The following HNF4G variants were observed in gnomAD, a reference collection of about 807,000 sequenced individuals.
HNF4G encodes hepatocyte nuclear factor 4-gamma.
A neutral mutation model predicts 50.9 loss-of-function variants in HNF4G; 21 were observed. That is an observed-to-expected ratio of 0.41 (90% CI 0.29 to 0.59). HNF4G has a LOEUF of 0.59. Ranked by LOEUF, HNF4G falls within the 20% of genes least tolerant of loss-of-function variation. The pLI is 0.26. For missense variants in HNF4G, 527 were observed against 559.4 expected (o/e 0.94, Z 0.58); for synonymous variants, 198 against 185.6 (o/e 1.07, Z -0.54).
chr8:75,435,878 G>A (rs1811124690), intron 1 of HNF4G, among the ~76,000 whole-genome samples: 1 of 152,064 alleles, frequency 6.6e-6, no homozygotes, highest in African/African-American at 2.4e-5. Context: ...ACAGGTGTGA[G>A]CCACCACACC....
chr8:75,537,963 T>A (rs1806513223), upstream of HNF4G, among the ~76,000 whole-genome samples: 1 of 152,174 alleles, frequency 6.6e-6, no homozygotes, highest in Non-Finnish European at 1.5e-5. Flanking sequence ...AAAAGAGGGC[T>A]TCCACTGTAC....
At chr8:75,427,657 T>A (rs114396344) in intron 1 of HNF4G, among the ~76,000 whole-genome samples, 3,967 of 151,960 alleles carry the variant, frequency 0.026, 130 homozygotes, top group African/African-American at 0.069. Flanking sequence ...GAATGCCTTG[T>A]TAAGTATTTG....
chr8:75,480,598 T>C (rs1463852432), intron 1 of HNF4G, among the ~76,000 whole-genome samples: 1 of 152,184 alleles, frequency 6.6e-6, no homozygotes, highest in Non-Finnish European at 1.5e-5. Context: ...AGAAAATATA[T>C]CTGGGATAAT....
At chr8:75,517,738 T>C (rs1805930541) in intron 2 of HNF4G, among the ~76,000 whole-genome samples, 1 of 152,126 alleles carries the variant, frequency 6.6e-6, no homozygotes, top group Non-Finnish European at 1.5e-5. Context: ...CTGCGGCTTT[T>C]CCAGGTGCAC....
At chr8:75,470,464 C>T (rs139614020) in intron 1 of HNF4G, among the ~76,000 whole-genome samples, 1 of 152,096 alleles carries the variant, frequency 6.6e-6, no homozygotes, top group South Asian at 2.1e-4. Flanking sequence ...TCTCTCCCCC[C>T]ACAGATTGTT....
rs143188085 is a variant in HNF4G at position 75,541,001 on chromosome 8, G to A, written c.118+921G>A. ...TTAATAAGCAGTTCCTTATTAGTGG[G>A]GATTTTAAAAAATAGTCAAAAGGTG... is the stretch of plus-strand genomic sequence containing the variant. On this transcript the variant is annotated intron_variant, in intron 1 of 9. Transcript: ENST00000396423. Among the ~76,000 whole-genome samples the A allele has an allele frequency of 6.5e-3, 983 of 151,502 alleles. 7 individuals are homozygous for A. Among genetic ancestry groups the A allele is most frequent in the African/African-American group, 0.021 (869 of 41,288 alleles).
chr8:75,420,325 C>T (rs1186629452), intron 1 of HNF4G, among the ~76,000 whole-genome samples: 1 of 152,224 alleles, frequency 6.6e-6, no homozygotes, highest in East Asian at 1.9e-4. Context: ...GGAGGACATT[C>T]TTAAAACTTA....
upstream of HNF4G, among the ~76,000 whole-genome samples, chr8:75,538,622 T>C (rs1806532172): frequency 1.3e-5 from 2 of 152,182 alleles, no homozygotes; most frequent in African/African-American, 4.8e-5. Flanking sequence ...TCTACTTCTC[T>C]AAAAACTGAA....
Position 75,551,417 on chromosome 8 carries a change from A to G in HNF4G, c.412A>G (p.Thr138Ala), listed in dbSNP as rs752767649. The part of the protein sequence containing the change: ...AVQNERDRIS[T>A]RRSTFDGSNI... ...ACAAAATGAACGTGACAGAATAAGC[A>G]CCAGAAGAAGCACATTTGATGGCAG... The change falls in exon 4 of 10, where the codon ACC becomes GCC. Residue 138 changes from threonine (T) to alanine (A), a missense_variant. Thr to Ala is a moderately conservative substitution (Grantham distance 58). Around this residue, in one of 5 missense-constraint regions of HNF4G, gnomAD observed 128 missense variants for 135.3 expected, o/e 0.95. Transcript: ENST00000396423. 1.2e-6 allele frequency: 2 copies of G among 1,612,840 alleles called. No homozygotes were observed. The highest frequency in any genetic ancestry group is 1.7e-6 in the Non-Finnish European group (2 of 1,178,984).
intron 2 of HNF4G, among the ~76,000 whole-genome samples, chr8:75,506,455 G>A (rs1813082969): frequency 6.6e-6 from 1 of 152,044 alleles, no homozygotes; most frequent in South Asian, 2.1e-4. Flanking sequence ...CTGTACTAAA[G>A]TGAATCTCTG....
intron 4 of HNF4G, among the ~76,000 whole-genome samples, chr8:75,552,532 T>G (rs1806989246): frequency 6.6e-6 from 1 of 152,168 alleles, no homozygotes; most frequent in Non-Finnish European, 1.5e-5. Flanking sequence ...TTTTTTAATT[T>G]AATTTTGATG....
intron 1 of HNF4G, among the ~76,000 whole-genome samples, chr8:75,469,923 A>T (rs1003497156): frequency 3.9e-5 from 6 of 152,150 alleles, no homozygotes; most frequent in African/African-American, 1.4e-4. Flanking sequence ...ATCTTATAAA[A>T]AAAGAAACCT....
intron 2 of HNF4G, among the ~76,000 whole-genome samples, chr8:75,503,727 T>C (rs755652906): frequency 9.2e-5 from 14 of 152,336 alleles, no homozygotes; most frequent in South Asian, 2.1e-4. Flanking sequence ...ATAGTACTTA[T>C]AGGAGTGGAG....
chr8:75,420,255 C>T (rs770110915), intron 1 of HNF4G, among the ~76,000 whole-genome samples: 3 of 152,192 alleles, frequency 2.0e-5, no homozygotes, highest in Non-Finnish European at 2.9e-5. Flanking sequence ...CAATTGTGTA[C>T]GTGGACAACT....
chr8:75,551,935 T>C (rs1563551985), intron 4 of HNF4G, among the ~76,000 whole-genome samples: 1 of 152,132 alleles, frequency 6.6e-6, no homozygotes. Flanking sequence ...GACATTTAAA[T>C]GAAGAGTCAG....
At chr8:75,548,674 A>G (rs1806859948) in intron 3 of HNF4G, among the ~76,000 whole-genome samples, 1 of 152,306 alleles carries the variant, frequency 6.6e-6, no homozygotes, top group Non-Finnish European at 1.5e-5. Flanking sequence ...AAAATTTTAT[A>G]CTTGTCAGTT....
chr8:75,510,445 C>T (rs1805719275), intron 2 of HNF4G, among the ~76,000 whole-genome samples: 1 of 152,210 alleles, frequency 6.6e-6, no homozygotes. Context: ...TTCACATTCA[C>T]TCACCACACA....
rs769593504 is a variant in HNF4G, at chr8:75,560,387, A to T, written c.1167A>T (p.Pro389=). The stretch of plus-strand genomic sequence containing the variant: ...GTCATCTCCATCATCCAATGCATCC[A>T]CATTTGTCTCAAGACCCATTAACTG... ...DGSHLHHPMH[P]HLSQDPLTGQ... is the part of the protein sequence containing the mutation. Residue 389 remains proline (P), a synonymous_variant, in exon 9 of 10, where the codon CCA becomes CCT. Coordinates refer to ENST00000396423, the MANE Select transcript of HNF4G (RefSeq NM_004133.5). 1.2e-6 allele frequency: 2 copies of T among 1,613,270 alleles called. No homozygotes were observed. The highest frequency in any genetic ancestry group is 2.7e-5 in the African/African-American group (2 of 74,892).
intron 1 of HNF4G, among the ~76,000 whole-genome samples, chr8:75,415,877 A>G (rs1166168760): frequency 1.3e-5 from 2 of 152,164 alleles, no homozygotes; most frequent in Non-Finnish European, 2.9e-5. Flanking sequence ...CTTTCCCAAT[A>G]GGGCAGGGGA....
Sources: allele counts gnomAD v4.1 joint callset (sites outside exome capture counted in the v4.1 genomes callset), GRCh38; gene constraint gnomAD v4.1.1; regional missense constraint gnomAD v4.1.1; transcripts MANE v1.5; gene names NCBI Gene and HGNC (gene_info 2026-07-23, HGNC 2026-07-21).